Variants in RBFOX1 observed in about 807,000 individuals in gnomAD.
The protein encoded by RBFOX1 is RNA binding protein fox-1 homolog 1.
Under a neutral mutation model 57.7 loss-of-function variants are expected in RBFOX1, and 8 were observed. The observed-to-expected ratio is 0.14, with a 90% CI of 0.08 to 0.25. The LOEUF (loss-of-function observed/expected upper bound fraction) is 0.25. RBFOX1 is among the 10% of genes least tolerant of loss of function. The pLI, the probability that RBFOX1 is intolerant of heterozygous loss-of-function variation, is 1.00. For synonymous variants in RBFOX1, 326 were observed against 222.4 expected, an observed-to-expected ratio of 1.47 and a Z score of -4.15; for missense variants, 611 against 548.5, an observed-to-expected ratio of 1.11 and a Z score of -1.14.
intron 4 of RBFOX1, among the ~76,000 whole-genome samples, chr16:7,504,789 A>ATATATATATATT (rs1567555439): frequency 2.6e-4 from 6 of 23,438 alleles, no homozygotes; most frequent in African/African-American, 7.2e-4. Flanking sequence ...ATATATATTT[A>ATATATATATATT]TATATATATA....
chr16:7,607,970 G>C (rs911969047), intron 10 of RBFOX1, among the ~76,000 whole-genome samples: 2 of 152,104 alleles, frequency 1.3e-5, no homozygotes, highest in African/African-American at 2.4e-5. Context: ...AATTTTGGGA[G>C]AGCATAACCC....
rs541225693 is a variant in RBFOX1 at position 6,885,275 on chromosome 16, C to A, written c.-15-166782C>A. Reference sequence around the variant, plus strand: ...AGCGTCAGCATCACCTGGAAACTTGCTACAGACGCGTGTTCTCTATCCTCG... The same window carrying A: ...AGCGTCAGCATCACCTGGAAACTTGATACAGACGCGTGTTCTCTATCCTCG... On this transcript the variant is annotated intron_variant, in intron 3 of 15. Coordinates refer to ENST00000550418, the MANE Select transcript of RBFOX1 (RefSeq NM_018723.4). Among the ~76,000 whole-genome samples the A allele has an allele frequency of 5.9e-5, 9 of 152,290 alleles. 1 individual carries two copies. Among genetic ancestry groups the A allele is most frequent in the African/African-American group, 1.4e-4 (6 of 41,574 alleles).
intron 1 of RBFOX1, among the ~76,000 whole-genome samples, chr16:5,359,030 G>A (rs1248598915): frequency 6.6e-6 from 1 of 152,070 alleles, no homozygotes; most frequent in Admixed American, 6.6e-5. Flanking sequence ...TTGTTTTGAT[G>A]TTTATATCCC....
intron 1 of RBFOX1, among the ~76,000 whole-genome samples, chr16:5,452,620 C>T (rs2068461766): frequency 1.3e-5 from 2 of 151,786 alleles, no homozygotes; most frequent in African/African-American, 4.8e-5. Flanking sequence ...ACCCAGTGAC[C>T]TTTCTGAAAA....
chr16:6,487,685 AAAAAAAAAAAAAAAAATATATATATAT>A (rs1239944164), intron 2 of RBFOX1, among the ~76,000 whole-genome samples: 10 of 46,084 alleles, frequency 2.2e-4, no homozygotes, highest in African/African-American at 9.1e-4. Flanking sequence ...AAAAAAAAAA[AAAAAAAAAAAAAAAAATATATATATAT>A]ATATATATAT....
chr16:6,744,514 C>G (rs565487132), intron 3 of RBFOX1, among the ~76,000 whole-genome samples: 3 of 151,832 alleles, frequency 2.0e-5, no homozygotes, highest in African/African-American at 7.3e-5. Flanking sequence ...GCAGTGGAAT[C>G]AAACTAGAAA....
chr16:5,831,046 A>G (rs2056250959), intron 3 of RBFOX1, among the ~76,000 whole-genome samples: 1 of 152,202 alleles, frequency 6.6e-6, no homozygotes, highest in Non-Finnish European at 1.5e-5. Flanking sequence ...GGCGAGTTTA[A>G]TATCTGTTCT....
At chr16:5,732,040 A>T (rs2052392830) in intron 3 of RBFOX1, among the ~76,000 whole-genome samples, 1 of 152,208 alleles carries the variant, frequency 6.6e-6, no homozygotes, top group African/African-American at 2.4e-5. Flanking sequence ...GCAGCCACGC[A>T]CAGGGTAACA....
chr16:6,330,486 T>C (rs143017562), intron 2 of RBFOX1, among the ~76,000 whole-genome samples: 2 of 152,280 alleles, frequency 1.3e-5, no homozygotes, highest in African/African-American at 2.4e-5. Context: ...GGAATCAGAA[T>C]AGGGCCCCTA....
At chr16:7,179,796 A>G (rs1266541832) in intron 4 of RBFOX1, among the ~76,000 whole-genome samples, 2 of 152,010 alleles carry the variant, frequency 1.3e-5, no homozygotes, top group East Asian at 3.9e-4. Flanking sequence ...ATGCAGTGGC[A>G]TGATCTCGGC....
intron 2 of RBFOX1, among the ~76,000 whole-genome samples, chr16:6,645,257 C>G (rs972531144): frequency 2.6e-5 from 4 of 152,180 alleles, no homozygotes; most frequent in Non-Finnish European, 4.4e-5. Flanking sequence ...TCTGCACAGA[C>G]TCCATTTGCA....
rs2080775693 is a variant in RBFOX1, at chr16:6,780,481, T to TATATATATTTATAG, written c.-16+125837_-16+125838insATTTATAGATATAT. 3.1e-5 allele frequency among the ~76,000 whole-genome samples: 3 copies of TATATATATTTATAG among 97,832 alleles called. No homozygotes were observed. In the South Asian group the frequency reaches 1.0e-3, roughly 34 times the overall value. The allele number at this position is 97,832 out of a possible 152,430, so 64.2% of individuals were successfully genotyped here. A position where few individuals can be genotyped will look rare whatever the true frequency, so the allele number is the denominator to read the frequency against. ...TTATATATATTTATATACATTTTTA[T>TATATATATTTATAG]ATATATTTATATACATTTTTATATA... On this transcript the variant is annotated intron_variant, in intron 3 of 15. Transcript: ENST00000550418.
At position 7,467,441 on chromosome 16, in the gene RBFOX1, C is replaced by T. The variant is rs181415990; in HGVS notation, c.28-50706C>T. 4.6e-5 allele frequency among the ~76,000 whole-genome samples: 7 copies of T among 152,224 alleles called. No homozygotes were observed. In the East Asian group the frequency reaches 1.4e-3, roughly 29 times the overall value. ...AGAGGACATTGGGATGTAACAACCA[C>T]AGTGGTTGAAAAACCCCAAATGCCC... is the stretch of plus-strand genomic sequence containing the variant. On this transcript the variant is annotated intron_variant, in intron 4 of 15. Transcript: ENST00000550418.
intron 1 of RBFOX1, among the ~76,000 whole-genome samples, chr16:6,082,239 G>T (rs28391133): frequency 7.3e-6 from 1 of 137,498 alleles, no homozygotes; most frequent in East Asian, 2.2e-4. Context: ...GGAGTGTAGT[G>T]GTGCAATCTC....
At chr16:6,318,245 T>C (rs974063713) in intron 2 of RBFOX1, among the ~76,000 whole-genome samples, 7 of 152,218 alleles carry the variant, frequency 4.6e-5, no homozygotes, top group Non-Finnish European at 1.0e-4. Context: ...TGGCAGCTTT[T>C]GTTCCTAATA....
chr16:7,262,814 G>C (rs1369651180), intron 4 of RBFOX1, among the ~76,000 whole-genome samples: 2 of 152,268 alleles, frequency 1.3e-5, no homozygotes, highest in African/African-American at 2.4e-5. Flanking sequence ...TTCTAAGTTA[G>C]TGCTGAAATG....
intron 5 of RBFOX1, among the ~76,000 whole-genome samples, chr16:7,573,469 G>A (rs2093000049): frequency 6.6e-6 from 1 of 152,080 alleles, no homozygotes; most frequent in African/African-American, 2.4e-5. Context: ...TTTTCTGCAT[G>A]GCTATGTCCT....
chr16:5,676,106 G>A (rs1417339015), intron 3 of RBFOX1, among the ~76,000 whole-genome samples: 2 of 152,134 alleles, frequency 1.3e-5, no homozygotes, highest in Non-Finnish European at 2.9e-5. Flanking sequence ...GAGGGGCAGG[G>A]GGAGGGAGAG....
intron 1 of RBFOX1, among the ~76,000 whole-genome samples, chr16:6,228,558 G>C (rs1402390696): frequency 6.6e-6 from 1 of 152,076 alleles, no homozygotes; most frequent in Non-Finnish European, 1.5e-5. Context: ...AACTAAGCCA[G>C]ACATAGAAAG....
Sources: gnomAD v4.1 joint callset for allele counts (sites outside exome capture counted in the v4.1 genomes callset) on GRCh38, gnomAD v4.1.1 for gene constraint, MANE v1.5 for transcripts, NCBI Gene and HGNC (gene_info 2026-07-23, HGNC 2026-07-21) for gene names.